The following OCA2 variants were observed in gnomAD, a reference collection of about 807,000 sequenced individuals.
OCA2 encodes the protein P protein.
In OCA2, 77 loss-of-function variants were observed where a neutral mutation model predicts 100.2. That is an observed-to-expected ratio of 0.77 (90% CI 0.64 to 0.93). The LOEUF is 0.93. Ranked by LOEUF, OCA2 falls within the 40% of genes least tolerant of loss-of-function variation. The probability of loss-of-function intolerance (pLI) is 0.00; values close to 1 mark genes in which losing one functional copy is unlikely to be tolerated. For synonymous variants in OCA2, 432 were observed against 439.2 expected, an observed-to-expected ratio of 0.98 and a Z score of 0.21; for missense variants, 1,062 against 1,089.1, an observed-to-expected ratio of 0.98 and a Z score of 0.35.
At chr15:28,056,225 G>A (rs1043421894) in intron 2 of OCA2, among the ~76,000 whole-genome samples, 1 of 152,190 alleles carries the variant, frequency 6.6e-6, no homozygotes, top group African/African-American at 2.4e-5. Flanking sequence ...TGTAGAAACA[G>A]CGTTTTCATA....
the OCA2 span, among the ~76,000 whole-genome samples, chr15:27,731,360 A>G: frequency 6.6e-6 from 1 of 152,242 alleles, no homozygotes; most frequent in East Asian, 1.9e-4. Flanking sequence ...TTAAGCAAGA[A>G]CAGCCATTTT....
At chr15:28,016,265 G>A (rs1461547837) in intron 7 of OCA2, 79 bp from the exon 8 acceptor site, 1 of 1,100,870 alleles carries the variant, frequency 9.1e-7, no homozygotes, top group African/African-American at 1.5e-5. Context: ...CTCGGTCTAG[G>A]TATTTGTTTC....
At chr15:28,050,354 C>T (rs573513325) in intron 2 of OCA2, among the ~76,000 whole-genome samples, 6 of 151,774 alleles carry the variant, frequency 4.0e-5, no homozygotes, top group East Asian at 3.9e-4. Flanking sequence ...AGGTCGAGTT[C>T]GAGACCAGCC....
chr15:27,753,832 G>T (rs2030163518), downstream of OCA2, among the ~76,000 whole-genome samples: 1 of 152,140 alleles, frequency 6.6e-6, no homozygotes, highest in South Asian at 2.1e-4. Context: ...AGAGGCAGTG[G>T]GTGGGAGATG....
At chr15:28,006,103 G>C (rs1233066127) in intron 9 of OCA2, among the ~76,000 whole-genome samples, 1 of 152,190 alleles carries the variant, frequency 6.6e-6, no homozygotes, top group East Asian at 1.9e-4. Context: ...TCATGGGGTT[G>C]TGGGGTTGTC....
chr15:27,721,764 AT>A, the OCA2 span, among the ~76,000 whole-genome samples: 1 of 152,172 alleles, frequency 6.6e-6, no homozygotes, highest in Non-Finnish European at 1.5e-5. Flanking sequence ...CAAAAATTTT[AT>A]TTATTTATAA....
chr15:28,044,411 A>T (rs62007487), intron 2 of OCA2, among the ~76,000 whole-genome samples: 27,129 of 152,046 alleles, frequency 0.18, 3,690 homozygotes, highest in Non-Finnish European at 0.28. Context: ...CTTATCCAGG[A>T]TGCTTGTCCA....
At chr15:27,907,334 A>T (rs2038215580) in intron 19 of OCA2, among the ~76,000 whole-genome samples, 1 of 152,370 alleles carries the variant, frequency 6.6e-6, no homozygotes, top group East Asian at 1.9e-4. Context: ...TTTTTAAAAA[A>T]TGATGAAAAC....
chr15:27,781,224 C>T (rs2032523837), intron 23 of OCA2, among the ~76,000 whole-genome samples: 3 of 152,194 alleles, frequency 2.0e-5, no homozygotes. Context: ...GTGGAAACAT[C>T]CTATCTCTTC....
intron 23 of OCA2, among the ~76,000 whole-genome samples, chr15:27,773,090 C>T (rs1048045705): frequency 6.6e-6 from 1 of 151,914 alleles, no homozygotes; most frequent in African/African-American, 2.4e-5. Flanking sequence ...ATAATTCTAC[C>T]TTTTCAATTG....
chr15:28,079,031 G>C (rs1202414965), intron 2 of OCA2, among the ~76,000 whole-genome samples: 1 of 152,176 alleles, frequency 6.6e-6, no homozygotes, highest in East Asian at 1.9e-4. Flanking sequence ...AGAAACAACA[G>C]AAAACGAGGC....
At chr15:27,773,632 T>C (rs1380876465) in intron 23 of OCA2, among the ~76,000 whole-genome samples, 2 of 152,226 alleles carry the variant, frequency 1.3e-5, no homozygotes, top group Non-Finnish European at 2.9e-5. Flanking sequence ...GGGAGCATTA[T>C]TATTACTGCT....
At position 28,080,118 on chromosome 15, in the gene OCA2, C is replaced by T. The variant is rs1002021912; in HGVS notation, c.227+1530G>A. 3.3e-5 allele frequency among the ~76,000 whole-genome samples: 5 copies of T among 152,322 alleles called. No individual in the cohort carries two copies. The South Asian group carries it at 6.2e-4, about 19-fold the overall frequency. ...GGGACAATCCTGCTGCCTCATCTGC[C>T]TCCCCATGCACAGGCCACACAGTCC... On this transcript the variant is annotated intron_variant, in intron 2 of 23. Transcript: ENST00000354638.
At chr15:28,039,406 G>A (rs1343362830) in intron 2 of OCA2, among the ~76,000 whole-genome samples, 1 of 152,130 alleles carries the variant, frequency 6.6e-6, no homozygotes, top group Non-Finnish European at 1.5e-5. Flanking sequence ...TAGGACACAA[G>A]TTTTAATAAT....
chr15:27,876,623 T>C (rs2036802238), intron 19 of OCA2, among the ~76,000 whole-genome samples: 1 of 152,074 alleles, frequency 6.6e-6, no homozygotes, highest in Admixed American at 6.5e-5. Context: ...GCTTTATTGA[T>C]ATAACTCTAT....
At chr15:27,916,782 T>G (rs924667126) in intron 19 of OCA2, among the ~76,000 whole-genome samples, 1 of 152,094 alleles carries the variant, frequency 6.6e-6, no homozygotes, top group Non-Finnish European at 1.5e-5. Context: ...TCTCCAACTG[T>G]TTTCCAAAAA....
intron 23 of OCA2, among the ~76,000 whole-genome samples, chr15:27,832,506 G>T (rs2035001397): frequency 6.6e-6 from 1 of 152,250 alleles, no homozygotes; most frequent in Non-Finnish European, 1.5e-5. Context: ...CGGCCATCAG[G>T]GATGCTGGCT....
At chr15:28,075,289 G>A (rs1335126806) in intron 2 of OCA2, among the ~76,000 whole-genome samples, 1 of 152,160 alleles carries the variant, frequency 6.6e-6, no homozygotes, top group African/African-American at 2.4e-5. Flanking sequence ...AAAAAGTTGT[G>A]TTGAGAATAT....
chr15:28,007,114 T>C (rs1467274744), intron 9 of OCA2, among the ~76,000 whole-genome samples: 19 of 152,064 alleles, frequency 1.2e-4, no homozygotes, highest in Admixed American at 1.2e-3. Flanking sequence ...ATAAAGTGGG[T>C]GAAGGGAAAG....
Sources: gnomAD v4.1 joint callset for allele counts (sites outside exome capture counted in the v4.1 genomes callset) on GRCh38, gnomAD v4.1.1 for gene constraint, MANE v1.5 for transcripts, NCBI Gene and HGNC (gene_info 2026-07-23, HGNC 2026-07-21) for gene names.